TENM2: variants seen among roughly 807,000 people sequenced by gnomAD.
TENM2 encodes the protein teneurin transmembrane protein 2.
In TENM2, 52 loss-of-function variants were observed where a neutral mutation model predicts 245.2. That is an observed-to-expected ratio of 0.21 (90% CI 0.17 to 0.27). The LOEUF is 0.27. Among genes scored for constraint, TENM2 ranks in the 10% least tolerant of loss-of-function variants. The pLI, the probability that TENM2 is intolerant of heterozygous loss-of-function variation, is 1.00. For missense variants in TENM2, 3,046 were observed against 3,666.8 expected, an observed-to-expected ratio of 0.83 and a Z score of 4.37; for synonymous variants, 1,363 against 1,438.9, an observed-to-expected ratio of 0.95 and a Z score of 1.19.
In TENM2 at chr5:167,640,848, T is replaced by TATATATATCC. The variant is rs1244568022; in HGVS notation, c.503-235130_503-235129insCCATATATAT. On this transcript the variant is annotated intron_variant, in intron 2 of 28. Transcript: ENST00000518659. The stretch of plus-strand genomic sequence containing the variant: ...AAATAGAAATATATATATCCATATA[T>TATATATATCC]ATATATATATCCATATATATATATA... 1.4e-3 allele frequency among the ~76,000 whole-genome samples: 137 copies of TATATATATCC among 94,662 alleles called. 3 individuals carry two copies. Among genetic ancestry groups the TATATATATCC allele is most frequent in the Non-Finnish European group, 1.7e-3 (86 of 49,314 alleles). 62.1% of individuals were successfully genotyped at this position (94,662 alleles called of 152,430 possible).
chr5:167,403,546 CATG>C (rs1162412291), intron 2 of TENM2, among the ~76,000 whole-genome samples: 2 of 152,068 alleles, frequency 1.3e-5, no homozygotes, highest in Non-Finnish European at 2.9e-5. Context: ...ACGTATGGGT[CATG>C]GTAGATAGAC....
At chr5:167,018,062 ATCT>A in the TENM2 span, among the ~76,000 whole-genome samples, 1 of 152,198 alleles carries the variant, frequency 6.6e-6, no homozygotes, top group Non-Finnish European at 1.5e-5. Context: ...AGGATTCTTA[ATCT>A]TCTTCATAAT....
the TENM2 span, among the ~76,000 whole-genome samples, chr5:167,257,455 G>GT: frequency 6.6e-6 from 1 of 152,006 alleles, no homozygotes; most frequent in Admixed American, 6.6e-5. Context: ...AAATCTTTGG[G>GT]TATATCCTAA....
chr5:168,140,010 A>G (rs1386987817), intron 12 of TENM2, among the ~76,000 whole-genome samples: 1 of 152,244 alleles, frequency 6.6e-6, no homozygotes, highest in East Asian at 1.9e-4. Flanking sequence ...GTGACTACTG[A>G]CACCTACCTC....
At chr5:167,262,125 G>A in the TENM2 span, among the ~76,000 whole-genome samples, 1 of 152,258 alleles carries the variant, frequency 6.6e-6, no homozygotes, top group Admixed American at 6.5e-5. Context: ...TTGGAAATTT[G>A]GAAGAGATAA....
At chr5:167,859,553 A>T (rs1422614782) in intron 2 of TENM2, among the ~76,000 whole-genome samples, 63 of 77,318 alleles carry the variant, frequency 8.1e-4, no homozygotes, top group African/African-American at 3.1e-3. Context: ...TCCGGGAGGG[A>T]GGTGGGGGGG....
At chr5:168,069,864 G>T (rs866137088) in intron 7 of TENM2, among the ~76,000 whole-genome samples, 1 of 152,146 alleles carries the variant, frequency 6.6e-6, no homozygotes, top group Non-Finnish European at 1.5e-5. Flanking sequence ...CTTCTTGAAC[G>T]TGTCAGAGGA....
chr5:167,744,807 CAAAA>C (rs1761442404), intron 2 of TENM2, among the ~76,000 whole-genome samples: 2 of 148,972 alleles, frequency 1.3e-5, no homozygotes, highest in South Asian at 2.1e-4. Flanking sequence ...CTCTCTAAAA[CAAAA>C]CAAACAAACA....
intron 13 of TENM2, among the ~76,000 whole-genome samples, chr5:168,175,079 C>G (rs1208773256): frequency 1.3e-5 from 2 of 152,202 alleles, no homozygotes; most frequent in African/African-American, 4.8e-5. Context: ...GACTCAGGTT[C>G]TTACTAGCTG....
chr5:167,305,131 G>C (rs1755594443), intron 1 of TENM2, among the ~76,000 whole-genome samples: 1 of 152,066 alleles, frequency 6.6e-6, no homozygotes, highest in African/African-American at 2.4e-5. Flanking sequence ...GTCCTACCAG[G>C]GTAGATTGGG....
intron 1 of TENM2, among the ~76,000 whole-genome samples, chr5:167,324,763 A>G (rs1214341425): frequency 1.3e-5 from 2 of 152,198 alleles, no homozygotes; most frequent in East Asian, 1.9e-4. Flanking sequence ...TACTAATATG[A>G]TAATAATCAT....
chr5:167,438,304 T>C (rs777843227), intron 2 of TENM2, among the ~76,000 whole-genome samples: 16 of 152,238 alleles, frequency 1.1e-4, no homozygotes, highest in Non-Finnish European at 1.3e-4. Context: ...TCTCCCTTTT[T>C]ACTTTTCCAT....
Position 168,218,359 on chromosome 5 carries a change from A to T in TENM2, c.4468A>T (p.Ile1490Phe). 1 of 1,614,046 alleles carries T rather than the reference A, an allele frequency of 6.2e-7. No individual in the cohort carries two copies. The highest frequency in any genetic ancestry group is 8.5e-7 in the Non-Finnish European group (1 of 1,179,900). Reference sequence around the variant, plus strand: ...CATTTCTCACACTGGGGTCCTCTACATCACTGAGACAGATGAGAAGAAGAT... The same window carrying T: ...CATTTCTCACACTGGGGTCCTCTACTTCACTGAGACAGATGAGAAGAAGAT... Residue 1490 changes from isoleucine to phenylalanine, a missense_variant, in exon 23 of 29, where the codon ATC (isoleucine) becomes TTC (phenylalanine). Ile to Phe is a conservative substitution (Grantham distance 21, BLOSUM62 0). This residue lies in a region of TENM2 where 2,704 missense variants were observed against 3,331.9 expected (regional missense o/e 0.81). Coordinates refer to ENST00000518659, the Ensembl canonical transcript of TENM2. This position sits in a 1 kb window ranked among gnomAD's most constrained non-coding sequence, Gnocchi z 5.2.
chr5:167,910,361 A>G (rs1776450993), intron 3 of TENM2, among the ~76,000 whole-genome samples: 3 of 152,218 alleles, frequency 2.0e-5, no homozygotes, highest in Admixed American at 6.5e-5. Flanking sequence ...TGACAATCAC[A>G]CAGATGTGAG....
At chr5:167,676,258 A>ATT (rs35884908) in intron 2 of TENM2, among the ~76,000 whole-genome samples, 1 of 151,660 alleles carries the variant, frequency 6.6e-6, no homozygotes, top group East Asian at 1.9e-4. Context: ...CTTTACACAG[A>ATT]TTTTTTTTGC....
At chr5:168,011,705 T>G (rs1264076674) in intron 5 of TENM2, among the ~76,000 whole-genome samples, 2 of 152,130 alleles carry the variant, frequency 1.3e-5, no homozygotes, top group African/African-American at 4.8e-5. Context: ...TTCCAAAAAT[T>G]TATTGACTGA....
At chr5:167,848,491 A>C (rs1432887447) in intron 2 of TENM2, among the ~76,000 whole-genome samples, 1 of 152,222 alleles carries the variant, frequency 6.6e-6, no homozygotes, top group Non-Finnish European at 1.5e-5. Flanking sequence ...CTTCATATAT[A>C]CACACACATA....
At chr5:167,692,588 T>C (rs1757502214) in intron 2 of TENM2, among the ~76,000 whole-genome samples, 1 of 152,188 alleles carries the variant, frequency 6.6e-6, no homozygotes, top group African/African-American at 2.4e-5. Flanking sequence ...ATAAATTAAA[T>C]ATATATGCAT....
chr5:167,507,811 CTTT>C (rs1769657182), intron 2 of TENM2, among the ~76,000 whole-genome samples: 1 of 152,008 alleles, frequency 6.6e-6, no homozygotes, highest in Non-Finnish European at 1.5e-5. Flanking sequence ...ATGTGAATTT[CTTT>C]TTCCTCTTGT....
Sources: allele counts gnomAD v4.1 joint callset (sites outside exome capture counted in the v4.1 genomes callset), GRCh38; gene constraint gnomAD v4.1.1; regional missense constraint gnomAD v4.1.1; non-coding constraint Gnocchi (gnomAD v3.1); transcripts MANE v1.5; gene names NCBI Gene and HGNC (gene_info 2026-07-23, HGNC 2026-07-21).